Variants in PLCL1 observed in about 807,000 individuals in gnomAD.
The protein encoded by PLCL1 is inactive phospholipase C-like protein 1.
Under a neutral mutation model 84.4 loss-of-function variants are expected in PLCL1, and 41 were observed. The observed-to-expected ratio is 0.49, with a 90% CI of 0.38 to 0.63. The LOEUF is 0.63. Among genes scored for constraint, PLCL1 ranks in the 30% least tolerant of loss-of-function variants. The probability of loss-of-function intolerance (pLI) is 0.00; values close to 1 mark genes in which losing one functional copy is unlikely to be tolerated. For synonymous variants in PLCL1, 490 were observed against 488.3 expected (o/e 1.00, Z -0.05); for missense variants, 1,206 against 1,367.8 (o/e 0.88, Z 1.87).
intron 1 of PLCL1, among the ~76,000 whole-genome samples, chr2:197,925,125 T>C (rs918439965): frequency 6.6e-6 from 1 of 152,196 alleles, no homozygotes; most frequent in African/African-American, 2.4e-5. Flanking sequence ...TTTATGAATG[T>C]GCCGGCTAGG....
intron 5 of PLCL1, among the ~76,000 whole-genome samples, chr2:198,135,418 C>T (rs1231394247): frequency 6.6e-6 from 1 of 152,094 alleles, no homozygotes; most frequent in Non-Finnish European, 1.5e-5. Flanking sequence ...GAGATGATCA[C>T]AATAATGGGA....
intron 1 of PLCL1, among the ~76,000 whole-genome samples, chr2:197,882,612 T>A (rs1687850038): frequency 6.6e-6 from 1 of 152,164 alleles, no homozygotes; most frequent in Admixed American, 6.5e-5. Context: ...CATACTTACT[T>A]TGGATGTATT....
chr2:197,912,876 C>T (rs1433015802), intron 1 of PLCL1, among the ~76,000 whole-genome samples: 1 of 142,202 alleles, frequency 7.0e-6, no homozygotes, highest in Admixed American at 7.1e-5. Context: ...GGGTGCAGCG[C>T]ACCAGCATGG....
chr2:198,089,120 C>A, intron 3 of PLCL1, 59 bp downstream of exon 3: 1 of 1,204,864 alleles, frequency 8.3e-7, no homozygotes, highest in Non-Finnish European at 1.2e-6. Context: ...TCACAAATAG[C>A]AGGGACTCCT....
intron 1 of PLCL1, among the ~76,000 whole-genome samples, chr2:197,925,799 C>T (rs2105761062): frequency 6.6e-6 from 1 of 151,110 alleles, no homozygotes; most frequent in African/African-American, 2.4e-5. Context: ...CCTTCCCACA[C>T]CTTTGTCATT....
chr2:197,940,150 A>T (rs1158722907), intron 1 of PLCL1, among the ~76,000 whole-genome samples: 1 of 152,198 alleles, frequency 6.6e-6, no homozygotes, highest in Non-Finnish European at 1.5e-5. Context: ...TTTTAATGAA[A>T]GATATATATT....
intron 1 of PLCL1, among the ~76,000 whole-genome samples, chr2:197,998,175 ATGTGTG>A (rs58332002): frequency 0.016 from 2,156 of 131,942 alleles, 59 homozygotes; most frequent in African/African-American, 0.055. Flanking sequence ...GAATGGAGCT[ATGTGTG>A]TGTGTGTGTG....
At position 198,118,606 on chromosome 2, in the gene PLCL1, G is replaced by A. The variant is rs145837005; in HGVS notation, c.3105+14670G>A. 7.5e-3 allele frequency among the ~76,000 whole-genome samples: 1,136 copies of A among 152,040 alleles called. 5 individuals are homozygous for A. The highest frequency in any genetic ancestry group is 0.014 in the Non-Finnish European group (927 of 67,940). On this transcript the variant is annotated intron_variant, in intron 5 of 5. Coordinates refer to ENST00000428675, the MANE Select transcript of PLCL1 (RefSeq NM_006226.4). ...CAGCACAACCAGTATTATTTTCCTG[G>A]AGCTTTTGATTAGACATTTCTATAC...
chr2:197,814,110 G>A (rs1203165100), intron 1 of PLCL1, among the ~76,000 whole-genome samples: 1 of 152,076 alleles, frequency 6.6e-6, no homozygotes, highest in East Asian at 1.9e-4. Context: ...GGGGCTCCTA[G>A]TAGTACAAGC....
chr2:197,835,677 CG>C (rs1691172306), intron 1 of PLCL1, among the ~76,000 whole-genome samples: 1 of 152,142 alleles, frequency 6.6e-6, no homozygotes, highest in African/African-American at 2.4e-5. Context: ...TCTGTTTCTT[CG>C]CCTCTAAAAT....
At chr2:197,894,464 A>G (rs923119727) in intron 1 of PLCL1, among the ~76,000 whole-genome samples, 1 of 152,024 alleles carries the variant, frequency 6.6e-6, no homozygotes, top group East Asian at 1.9e-4. Flanking sequence ...CTATAATTAC[A>G]TGGGAGAAGA....
chr2:198,108,926 A>C (rs1693553975), intron 5 of PLCL1, among the ~76,000 whole-genome samples: 1 of 151,820 alleles, frequency 6.6e-6, no homozygotes, highest in Non-Finnish European at 1.5e-5. Context: ...GTCTCCTTAC[A>C]TAGCCATTGT....
At chr2:197,870,593 T>TA (rs1319870980) in intron 1 of PLCL1, among the ~76,000 whole-genome samples, 5 of 152,104 alleles carry the variant, frequency 3.3e-5, no homozygotes, top group African/African-American at 4.8e-5. Context: ...CAGAGAGTGT[T>TA]ACCATATTTG....
intron 1 of PLCL1, among the ~76,000 whole-genome samples, chr2:197,973,509 A>C (rs1689909204): frequency 6.6e-6 from 1 of 152,236 alleles, no homozygotes; most frequent in Non-Finnish European, 1.5e-5. Flanking sequence ...AAAAAGTATA[A>C]TTTAGTACAG....
intron 1 of PLCL1, among the ~76,000 whole-genome samples, chr2:198,026,216 GA>G (rs920787891): frequency 3.3e-5 from 5 of 152,046 alleles, no homozygotes; most frequent in Non-Finnish European, 7.4e-5. Context: ...AAATAAATTT[GA>G]AAAGAACTAA....
chr2:198,009,154 GTTGA>G (rs1690805787), intron 1 of PLCL1, among the ~76,000 whole-genome samples: 1 of 151,856 alleles, frequency 6.6e-6, no homozygotes, highest in African/African-American at 2.4e-5. Context: ...ATTTCACTCT[GTTGA>G]TTGTTTCCTT....
chr2:198,093,141 G>A (rs1693090940), intron 3 of PLCL1, among the ~76,000 whole-genome samples: 1 of 152,210 alleles, frequency 6.6e-6, no homozygotes, highest in Non-Finnish European at 1.5e-5. Flanking sequence ...GAGTGGGTCA[G>A]GGAGGGATGA....
Position 198,077,634 on chromosome 2 carries a change from A to G in PLCL1, c.241-6124A>G, listed in dbSNP as rs148761310. Among the ~76,000 whole-genome samples the G allele has an allele frequency of 6.8e-4, 104 of 152,224 alleles. 3 individuals are homozygous for G. The South Asian group carries it at 0.013, about 20-fold the overall frequency. ...GTGACTGTACTATGCTCAAGGTTCT[A>G]TTTATCCCTTTACGGGTATAACTTC... is the stretch of plus-strand genomic sequence containing the variant. On this transcript the variant is annotated intron_variant, in intron 1 of 5. Coordinates refer to ENST00000428675, the MANE Select transcript of PLCL1 (RefSeq NM_006226.4).
intron 1 of PLCL1, among the ~76,000 whole-genome samples, chr2:197,879,082 G>T (rs187040798): frequency 6.6e-6 from 1 of 152,168 alleles, no homozygotes; most frequent in Non-Finnish European, 1.5e-5. Context: ...TTCCTTCCAT[G>T]ACTTCATGTG....
Sources: gnomAD v4.1 joint callset for allele counts (sites outside exome capture counted in the v4.1 genomes callset) on GRCh38, gnomAD v4.1.1 for gene constraint, MANE v1.5 for transcripts, NCBI Gene and HGNC (gene_info 2026-07-23, HGNC 2026-07-21) for gene names.